The following SLC39A9 variants were observed in gnomAD, a reference collection of about 807,000 sequenced individuals.
SLC39A9 encodes solute carrier family 39 member 9.
A neutral mutation model predicts 28.4 loss-of-function variants in SLC39A9; 14 were observed. The observed-to-expected ratio is 0.49, with a 90% CI of 0.33 to 0.77. SLC39A9 has a LOEUF of 0.77. Among genes scored for constraint, SLC39A9 ranks in the 30% least tolerant of loss-of-function variants. SLC39A9 has a pLI of 0.02. For synonymous variants in SLC39A9, 119 were observed against 149.6 expected, an observed-to-expected ratio of 0.80 and a Z score of 1.49; for missense variants, 283 against 381.1, an observed-to-expected ratio of 0.74 and a Z score of 2.14.
intron 3 of SLC39A9, among the ~76,000 whole-genome samples, chr14:69,444,389 A>G (rs898185279): frequency 2.0e-5 from 3 of 152,220 alleles, no homozygotes; most frequent in African/African-American, 7.2e-5. Flanking sequence ...TCGCAATAAG[A>G]TATTAAAATG....
At chr14:69,447,386 G>A (rs1056192379) in intron 3 of SLC39A9, among the ~76,000 whole-genome samples, 1 of 152,166 alleles carries the variant, frequency 6.6e-6, no homozygotes, top group Admixed American at 6.5e-5. Flanking sequence ...ACTGCTTTCA[G>A]TAGTCAGCCC....
intron 5 of SLC39A9, 24 bp downstream of exon 5, chr14:69,454,921 T>C: frequency 1.3e-6 from 2 of 1,583,636 alleles, no homozygotes; most frequent in South Asian, 2.2e-5. Context: ...TGGTGTAAGG[T>C]TTGGTATTGA....
chr14:69,426,035 G>T (rs765009335), intron 2 of SLC39A9, among the ~76,000 whole-genome samples: 1 of 152,128 alleles, frequency 6.6e-6, no homozygotes, highest in Admixed American at 6.5e-5. Context: ...CTCTCTAACC[G>T]TGTTTTTCCT....
chr14:69,449,320 T>G (rs1406152258), intron 3 of SLC39A9, among the ~76,000 whole-genome samples: 3 of 152,178 alleles, frequency 2.0e-5, no homozygotes, highest in African/African-American at 7.2e-5. Context: ...CTTGTGATTC[T>G]TGTCAGTTTC....
intron 1 of SLC39A9, among the ~76,000 whole-genome samples, chr14:69,419,591 G>A (rs954793030): frequency 6.6e-6 from 1 of 152,118 alleles, no homozygotes; most frequent in Non-Finnish European, 1.5e-5. Flanking sequence ...GTCTAATATT[G>A]ACAGTGGGGT....
chr14:69,455,311 T>TTG (rs1050196716), intron 5 of SLC39A9, among the ~76,000 whole-genome samples: 2 of 152,034 alleles, frequency 1.3e-5, no homozygotes, highest in Non-Finnish European at 1.5e-5. Context: ...TTGGTTTTTT[T>TTG]TGTGTGTGTG....
chr14:69,418,717 C>T (rs933304590), intron 1 of SLC39A9, among the ~76,000 whole-genome samples: 2 of 152,036 alleles, frequency 1.3e-5, no homozygotes, highest in African/African-American at 4.8e-5. Context: ...GATTCAATTT[C>T]TTTCCTGGTT....
At chr14:69,439,444 A>G (rs1218651357) in intron 2 of SLC39A9, among the ~76,000 whole-genome samples, 3 of 152,246 alleles carry the variant, frequency 2.0e-5, no homozygotes, top group Admixed American at 2.0e-4. Context: ...ACATTGATTT[A>G]AAAAATTGGA....
rs558716919 is a variant in SLC39A9 at position 69,459,570 on chromosome 14, T to A, written c.*977T>A. The A allele has an allele frequency of 1.2e-5, 11 of 931,360 alleles. No individual in the cohort carries two copies. Among genetic ancestry groups the A allele is most frequent in the East Asian group, 2.3e-4 (2 of 8,516 alleles). The allele number at this position is 931,360 out of a possible 1,614,324, so 57.7% of individuals were successfully genotyped here. ...CCTTTTTTTTTGTTTTTTTTTTTTT[T>A]AATTATTTCTCTTAGCAGATCAGCA... On this transcript the variant is annotated 3_prime_UTR_variant, in exon 7 of 7. Coordinates refer to ENST00000336643, the MANE Select transcript of SLC39A9 (RefSeq NM_018375.5).
intron 1 of SLC39A9, among the ~76,000 whole-genome samples, chr14:69,411,416 T>A (rs1240592089): frequency 6.6e-6 from 1 of 152,148 alleles, no homozygotes; most frequent in Non-Finnish European, 1.5e-5. Context: ...ATCTAGCAGA[T>A]CCTTTGGTTC....
rs913266226 is a variant in SLC39A9, at chr14:69,461,954, A to G, written c.*3361A>G. 4.2e-6 allele frequency: 2 copies of G among 478,160 alleles called. No homozygotes were observed. Among genetic ancestry groups the G allele is most frequent in the East Asian group, 6.2e-5 (2 of 32,210 alleles). 29.6% of individuals were successfully genotyped at this position (478,160 alleles called of 1,614,324 possible). A position where few individuals can be genotyped will look rare whatever the true frequency, so the allele number is the denominator to read the frequency against. ...TTCCATTAGAAAATTTCTGCTCAAT[A>G]CAGAATGGTCCACATCACCCAAAGT... On this transcript the variant is annotated 3_prime_UTR_variant, in exon 7 of 7. Transcript: ENST00000336643.
chr14:69,451,956 T>G (rs1451606979), intron 3 of SLC39A9, among the ~76,000 whole-genome samples: 1 of 151,910 alleles, frequency 6.6e-6, no homozygotes, highest in African/African-American at 2.4e-5. Context: ...CCTCAAGTGA[T>G]CCTCCCCCAT....
At chr14:69,427,026 T>TTC (rs1566914875) in intron 2 of SLC39A9, among the ~76,000 whole-genome samples, 1 of 141,128 alleles carries the variant, frequency 7.1e-6, no homozygotes, top group Non-Finnish European at 1.5e-5. Context: ...TTTTTTTTTT[T>TTC]CAGACAGGGA....
At chr14:69,452,129 AG>A (rs2139448266) in intron 3 of SLC39A9, among the ~76,000 whole-genome samples, 1 of 152,332 alleles carries the variant, frequency 6.6e-6, no homozygotes, top group East Asian at 1.9e-4. Flanking sequence ...ATTACAGGTG[AG>A]GAGACTTGGG....
In SLC39A9 at chr14:69,406,618, T is replaced by G. The variant is rs10131464; in HGVS notation, c.96+7153T>G. Among the ~76,000 whole-genome samples the G allele has an allele frequency of 3.1e-3, 455 of 148,836 alleles. 4 individuals are homozygous for G. The highest frequency in any genetic ancestry group is 0.011 in the African/African-American group (442 of 40,352). ...CAGGAGAATTGCTTGAACCTTGGAG[T>G]CGGAGATTGCAGTGAGCTGAGATTG... is the stretch of plus-strand genomic sequence containing the variant. On this transcript the variant is annotated intron_variant, in intron 1 of 6. Coordinates refer to ENST00000336643, the MANE Select transcript of SLC39A9 (RefSeq NM_018375.5).
intron 2 of SLC39A9, among the ~76,000 whole-genome samples, chr14:69,425,493 C>T (rs1433760296): frequency 3.9e-5 from 6 of 152,008 alleles, no homozygotes; most frequent in Admixed American, 2.0e-4. Context: ...GGAAGGATCC[C>T]GGGAATATCT....
intron 3 of SLC39A9, among the ~76,000 whole-genome samples, chr14:69,444,666 C>T (rs188915464): frequency 7.2e-5 from 11 of 152,154 alleles, no homozygotes; most frequent in African/African-American, 2.7e-4. Context: ...TCAAATACAG[C>T]TCCAATATGA....
At chr14:69,404,324 A>G (rs1487353371) in intron 1 of SLC39A9, among the ~76,000 whole-genome samples, 1 of 152,234 alleles carries the variant, frequency 6.6e-6, no homozygotes, top group Non-Finnish European at 1.5e-5. Flanking sequence ...CACTGATTTC[A>G]AAAGGGACTG....
At chr14:69,445,472 T>C (rs1885251132) in intron 3 of SLC39A9, among the ~76,000 whole-genome samples, 1 of 152,242 alleles carries the variant, frequency 6.6e-6, no homozygotes, top group Non-Finnish European at 1.5e-5. Flanking sequence ...TTAATACATA[T>C]AACAAATAAA....
Sources: allele counts gnomAD v4.1 joint callset (sites outside exome capture counted in the v4.1 genomes callset), GRCh38; gene constraint gnomAD v4.1.1; transcripts MANE v1.5; gene names NCBI Gene and HGNC (gene_info 2026-07-23, HGNC 2026-07-21).